KIAA0825: variants seen among roughly 807,000 people sequenced by gnomAD.
The protein encoded by KIAA0825 is uncharacterized protein KIAA0825.
A neutral mutation model predicts 147.6 loss-of-function variants in KIAA0825; 119 were observed. The ratio of observed to expected loss-of-function variants is 0.81; its 90% CI spans 0.69 to 0.94. The LOEUF is 0.94. KIAA0825 is among the 40% of genes least tolerant of loss of function. The pLI, the probability that KIAA0825 is intolerant of heterozygous loss-of-function variation, is 0.00. For missense variants in KIAA0825, 1,381 were observed against 1,472.7 expected, an observed-to-expected ratio of 0.94 and a Z score of 1.02; for synonymous variants, 470 against 518.1, an observed-to-expected ratio of 0.91 and a Z score of 1.26.
intron 5 of KIAA0825, among the ~76,000 whole-genome samples, chr5:94,499,183 A>G (rs1027778769): frequency 6.6e-6 from 1 of 152,172 alleles, no homozygotes; most frequent in Non-Finnish European, 1.5e-5. Context: ...GAGCTACAGA[A>G]TCAGACATCA....
At chr5:94,615,979 C>T (rs773610717) in intron 1 of KIAA0825, among the ~76,000 whole-genome samples, 8 of 152,048 alleles carry the variant, frequency 5.3e-5, no homozygotes, top group Non-Finnish European at 1.0e-4. Context: ...TTCAAATCCT[C>T]TTGCCTTAGC....
chr5:94,343,967 T>A (rs1453335359), intron 20 of KIAA0825, among the ~76,000 whole-genome samples: 3 of 152,174 alleles, frequency 2.0e-5, no homozygotes, highest in African/African-American at 2.4e-5. Context: ...ACATTTGCAC[T>A]AGGAAGGATA....
At chr5:94,587,672 C>A (rs772361001) in intron 1 of KIAA0825, among the ~76,000 whole-genome samples, 9 of 152,318 alleles carry the variant, frequency 5.9e-5, no homozygotes, top group Non-Finnish European at 7.4e-5. Flanking sequence ...CAATGACTTT[C>A]TTCACAGAAT....
At chr5:94,583,071 G>A (rs911907649) in intron 1 of KIAA0825, among the ~76,000 whole-genome samples, 2 of 152,136 alleles carry the variant, frequency 1.3e-5, no homozygotes, top group Admixed American at 1.3e-4. Flanking sequence ...TGGCCAAATA[G>A]GAACAGCTCC....
Position 94,465,077 on chromosome 5 carries a change from C to T in KIAA0825, c.1873-18G>A, listed in dbSNP as rs1279508583. ...CTTTCCCCCTGGCAAAGCCAGCACA[C>T]GTTAAACCATAGAGTTACATCTTCT... On this transcript the variant is annotated intron_variant, in intron 10 of 20. Transcript: ENST00000682413. 5.8e-6 allele frequency: 9 copies of T among 1,547,386 alleles called. No individual in the cohort carries two copies. Among genetic ancestry groups the T allele is most frequent in the East Asian group, 2.4e-5 (1 of 40,896 alleles).
chr5:94,342,126 G>A (rs566228309), intron 20 of KIAA0825, among the ~76,000 whole-genome samples: 10 of 152,016 alleles, frequency 6.6e-5, no homozygotes, highest in Admixed American at 5.2e-4. Context: ...AACCTGGGAG[G>A]CGGAGCTTGC....
Position 94,618,602 on chromosome 5 carries a change from A to C in KIAA0825, c.-255T>G, listed in dbSNP as rs1791226145. On this transcript the variant is annotated 5_prime_UTR_variant, in exon 1 of 21. Transcript: ENST00000682413. ...ACCCTGGCGACGGCTCCGGAGCGTC[A>C]CTGACAACCACCCGGAAATGGTACT... is the stretch of plus-strand genomic sequence containing the variant. 6.5e-6 allele frequency: 1 copy of C among 154,670 alleles called. No homozygotes were observed. The highest frequency in any genetic ancestry group is 2.4e-5 in the African/African-American group (1 of 41,514). 9.6% of individuals were successfully genotyped at this position (154,670 alleles called of 1,614,324 possible). A position where few individuals can be genotyped will look rare whatever the true frequency, so the allele number is the denominator to read the frequency against.
At chr5:94,362,855 C>T (rs11956420) in intron 20 of KIAA0825, among the ~76,000 whole-genome samples, 28,363 of 152,118 alleles carry the variant, frequency 0.19, 3,635 homozygotes, top group African/African-American at 0.37. Flanking sequence ...TTATAATCAA[C>T]ACAGTGTATT....
chr5:94,164,502 C>T (rs1372311878), intron 20 of KIAA0825, among the ~76,000 whole-genome samples: 1 of 151,964 alleles, frequency 6.6e-6, no homozygotes, highest in Admixed American at 6.6e-5. Context: ...ACCTCTGCCT[C>T]CCAGGTTCAA....
At chr5:94,278,108 G>A (rs1379876617) in intron 20 of KIAA0825, among the ~76,000 whole-genome samples, 1 of 152,084 alleles carries the variant, frequency 6.6e-6, no homozygotes, top group Non-Finnish European at 1.5e-5. Context: ...AGTGGGACCT[G>A]TCAGGGGGTT....
In KIAA0825 at chr5:94,392,155, T is replaced by C. The variant is rs144316948; in HGVS notation, c.3297-461A>G. ...TGTTGTAGAACACATTGAAGACTAATTGAAGTGTCAAAAGGGGGAGCCTAT... is the reference window on the plus strand; with the variant it reads ...TGTTGTAGAACACATTGAAGACTAACTGAAGTGTCAAAAGGGGGAGCCTAT... On this transcript the variant is annotated intron_variant, in intron 17 of 20. Transcript: ENST00000682413. 1.6e-4 allele frequency among the ~76,000 whole-genome samples: 25 copies of C among 152,340 alleles called. No homozygotes were observed. In the East Asian group the frequency reaches 4.6e-3, roughly 28 times the overall value.
intron 20 of KIAA0825, among the ~76,000 whole-genome samples, chr5:94,199,209 G>A (rs1169272658): frequency 1.3e-5 from 2 of 152,078 alleles, no homozygotes; most frequent in Non-Finnish European, 2.9e-5. Flanking sequence ...CCTGGGATGG[G>A]GCTTTTTGCT....
chr5:94,614,962 A>G (rs17083824), intron 1 of KIAA0825, among the ~76,000 whole-genome samples: 1 of 152,014 alleles, frequency 6.6e-6, no homozygotes. Flanking sequence ...TTGAGGCTTT[A>G]TAAGTCAACC....
At chr5:94,247,457 C>T (rs542415957) in intron 20 of KIAA0825, among the ~76,000 whole-genome samples, 2 of 152,166 alleles carry the variant, frequency 1.3e-5, no homozygotes, top group African/African-American at 4.8e-5. Flanking sequence ...TTTACATCGA[C>T]CCAGGGGAAA....
At chr5:94,511,277 T>C (rs975415417) in intron 5 of KIAA0825, among the ~76,000 whole-genome samples, 4 of 152,336 alleles carry the variant, frequency 2.6e-5, no homozygotes, top group East Asian at 1.9e-4. Flanking sequence ...TATGGTATTT[T>C]TGTTATAGCA....
At chr5:94,551,856 G>A (rs188798332) in intron 2 of KIAA0825, among the ~76,000 whole-genome samples, 1 of 151,818 alleles carries the variant, frequency 6.6e-6, no homozygotes, top group Non-Finnish European at 1.5e-5. Context: ...AATAAATAGA[G>A]AGAAATTAAG....
At position 94,182,391 on chromosome 5, in the gene KIAA0825, C is replaced by T. The variant is rs184265871; in HGVS notation, c.3711-28267G>A. ...TCTCCTGCCTCAGCCTCCTGGGTAG[C>T]TGGGATTACAGGCACATGCCACCAC... On this transcript the variant is annotated intron_variant, in intron 20 of 20. Coordinates refer to ENST00000682413, the MANE Select transcript of KIAA0825 (RefSeq NM_001145678.3). Among the ~76,000 whole-genome samples, 152 of 150,994 alleles carry T rather than the reference C, an allele frequency of 1.0e-3. 1 individual carries two copies. Among genetic ancestry groups the T allele is most frequent in the African/African-American group, 3.6e-3 (146 of 41,120 alleles).
rs145572172 is a variant in KIAA0825 at position 94,458,122 on chromosome 5, A to T, written c.2246+4265T>A. 4.4e-4 allele frequency among the ~76,000 whole-genome samples: 67 copies of T among 152,336 alleles called. No individual in the cohort carries two copies. In the East Asian group the frequency reaches 0.01, roughly 23 times the overall value. On this transcript the variant is annotated intron_variant, in intron 12 of 20. Coordinates refer to ENST00000682413, the MANE Select transcript of KIAA0825 (RefSeq NM_001145678.3). The stretch of plus-strand genomic sequence containing the variant: ...ACAACTACCTATGAATACCAAATTC[A>T]AGATTTTAAACAGAATTCTAAGTAG...
chr5:94,340,169 T>C (rs1782226931), intron 20 of KIAA0825, among the ~76,000 whole-genome samples: 1 of 151,946 alleles, frequency 6.6e-6, no homozygotes, highest in Non-Finnish European at 1.5e-5. Context: ...CCAAAATGCA[T>C]AGGTGCTCCA....
Sources: allele counts gnomAD v4.1 joint callset (sites outside exome capture counted in the v4.1 genomes callset), GRCh38; gene constraint gnomAD v4.1.1; transcripts MANE v1.5; gene names NCBI Gene and HGNC (gene_info 2026-07-23, HGNC 2026-07-21).